Variants in RICTOR observed in about 807,000 individuals in gnomAD.
RICTOR encodes the protein rapamycin-insensitive companion of mTOR.
Under a neutral mutation model 214.9 loss-of-function variants are expected in RICTOR, and 49 were observed. The observed-to-expected ratio is 0.23, with a 90% CI of 0.18 to 0.29. RICTOR has a LOEUF of 0.29. Among genes scored for constraint, RICTOR ranks in the 10% least tolerant of loss-of-function variants. RICTOR has a pLI of 1.00. For synonymous variants in RICTOR, 717 were observed against 711.3 expected (o/e 1.01, Z -0.13); for missense variants, 1,625 against 2,047.0 (o/e 0.79, Z 3.98).
chr5:39,074,366 G>T lies in RICTOR; in HGVS notation c.12C>A (p.Ile4=). ...GGTTCTTCAGAGAGCGGCCGCGGCC[G>T]ATCGCCGCCATATTGACGGGTTTCA... MAA[I]GRGRSLKNLR... is the part of the protein sequence containing the mutation. The change falls in exon 1 of 38, where the codon ATC becomes ATA. Residue 4 remains isoleucine (I), a synonymous_variant. Transcript: ENST00000357387. The T allele has an allele frequency of 6.5e-7, 1 of 1,538,516 alleles. No homozygotes were observed. The highest frequency in any genetic ancestry group is 8.8e-7 in the Non-Finnish European group (1 of 1,141,828).
intron 2 of RICTOR, among the ~76,000 whole-genome samples, chr5:39,072,162 C>T (rs1759371281): frequency 6.6e-6 from 1 of 152,144 alleles, no homozygotes; most frequent in African/African-American, 2.4e-5. Flanking sequence ...GCTGTGTATA[C>T]TTTATTCCAA....
At chr5:38,993,131 T>C (rs533216335) in intron 6 of RICTOR, among the ~76,000 whole-genome samples, 1 of 152,242 alleles carries the variant, frequency 6.6e-6, no homozygotes, top group East Asian at 1.9e-4. Flanking sequence ...AAGGCCAAAG[T>C]TGGCAGGTTG....
chr5:39,056,975 A>C (rs1251003188), intron 2 of RICTOR, among the ~76,000 whole-genome samples: 1 of 152,192 alleles, frequency 6.6e-6, no homozygotes, highest in East Asian at 1.9e-4. Flanking sequence ...TATAGTGGCA[A>C]TTTATTTAAA....
At chr5:39,061,690 T>C (rs1398122056) in intron 2 of RICTOR, among the ~76,000 whole-genome samples, 2 of 152,016 alleles carry the variant, frequency 1.3e-5, no homozygotes, top group African/African-American at 2.4e-5. Context: ...AAAAATCAAG[T>C]AGAGTTTTTT....
At chr5:39,029,277 T>A (rs1294972294) in intron 2 of RICTOR, among the ~76,000 whole-genome samples, 1 of 152,170 alleles carries the variant, frequency 6.6e-6, no homozygotes, top group Non-Finnish European at 1.5e-5. Flanking sequence ...ACACTTTACA[T>A]ATTTAAACAC....
At chr5:39,002,311 G>A (rs1157232840) in intron 5 of RICTOR, among the ~76,000 whole-genome samples, 2 of 151,750 alleles carry the variant, frequency 1.3e-5, no homozygotes, top group Non-Finnish European at 2.9e-5. Flanking sequence ...TCAGAATAAT[G>A]TTTACAACTG....
At chr5:38,997,760 C>T (rs1046584483) in intron 5 of RICTOR, among the ~76,000 whole-genome samples, 2 of 152,158 alleles carry the variant, frequency 1.3e-5, no homozygotes, top group Non-Finnish European at 2.9e-5. Flanking sequence ...CATTTGTTCC[C>T]TGGGTGCATC....
intron 26 of RICTOR, 76 bp from the exon 27 acceptor site, chr5:38,954,937 A>T: frequency 1.5e-6 from 1 of 683,554 alleles, no homozygotes; most frequent in African/African-American, 1.9e-5. Flanking sequence ...ATTTTAATAA[A>T]TGTTTGATAA....
intron 30 of RICTOR, 78 bp from the exon 31 acceptor site, chr5:38,950,798 A>T: frequency 7.6e-7 from 1 of 1,315,014 alleles, no homozygotes; most frequent in Non-Finnish European, 1.0e-6. Flanking sequence ...ATCACATTTC[A>T]GGAAATTTTT....
At chr5:39,002,169 CAAA>C (rs70982532) in intron 5 of RICTOR, among the ~76,000 whole-genome samples, 15,366 of 122,432 alleles carry the variant, frequency 0.13, 957 homozygotes, top group South Asian at 0.19. Context: ...TGTTACACAG[CAAA>C]AAAAAAAAAA....
chr5:38,993,348 C>T (rs942444072), intron 6 of RICTOR, among the ~76,000 whole-genome samples: 2 of 151,614 alleles, frequency 1.3e-5, no homozygotes, highest in Admixed American at 6.6e-5. Flanking sequence ...AGGTGGGCAG[C>T]GAGTAGAATT....
rs545801541 is a variant in RICTOR, at chr5:38,977,679, T to C, written c.821+904A>G. On this transcript the variant is annotated intron_variant, in intron 9 of 37. Transcript: ENST00000357387. Reference sequence around the variant, plus strand: ...GGTGTGATCTCAGCTCAATGCAAACTCCGCCTCCCAGGTTCAAGCAATTCT... The same window carrying C: ...GGTGTGATCTCAGCTCAATGCAAACCCCGCCTCCCAGGTTCAAGCAATTCT... 2.2e-5 allele frequency among the ~76,000 whole-genome samples: 3 copies of C among 137,042 alleles called. No homozygotes were observed. The Admixed American group carries it at 2.5e-4, about 11-fold the overall frequency. The allele number at this position is 137,042 out of a possible 152,430, so 89.9% of individuals were successfully genotyped here.
At chr5:38,961,015 A>G (rs1378770400) in intron 19 of RICTOR, among the ~76,000 whole-genome samples, 1 of 152,072 alleles carries the variant, frequency 6.6e-6, no homozygotes, top group Non-Finnish European at 1.5e-5. Flanking sequence ...GGTAATTTCT[A>G]TATTATCTGT....
rs1174125110 is a variant in RICTOR, at chr5:39,035,573, A to G, written c.98-14437T>C. On this transcript the variant is annotated intron_variant, in intron 2 of 37. Transcript: ENST00000357387. ...AATGGCAAAGAAGTTAAAAACCTTG[A>G]AAAAAAATTAGACGAATGGCTAACT... Among the ~76,000 whole-genome samples the G allele has an allele frequency of 3.9e-5, 6 of 152,088 alleles. No individual in the cohort carries two copies. In the East Asian group the frequency reaches 1.2e-3, roughly 29 times the overall value.
chr5:38,979,824 A>C (rs1268294533), intron 8 of RICTOR, among the ~76,000 whole-genome samples: 1 of 152,194 alleles, frequency 6.6e-6, no homozygotes, highest in Admixed American at 6.5e-5. Context: ...TTAGAAACAA[A>C]GTTTTGGCCA....
chr5:39,029,626 GA>G (rs769758702), intron 2 of RICTOR, among the ~76,000 whole-genome samples: 1 of 151,540 alleles, frequency 6.6e-6, no homozygotes. Flanking sequence ...TAATGGAAAG[GA>G]AAAAAAACCT....
intron 2 of RICTOR, among the ~76,000 whole-genome samples, chr5:39,043,289 G>A (rs1163489732): frequency 1.3e-5 from 2 of 152,034 alleles, no homozygotes; most frequent in African/African-American, 4.8e-5. Flanking sequence ...TATGCACAAT[G>A]GAATATTACT....
intron 10 of RICTOR, among the ~76,000 whole-genome samples, chr5:38,972,594 GACTC>G (rs1750875823): frequency 6.6e-6 from 1 of 152,016 alleles, no homozygotes; most frequent in Non-Finnish European, 1.5e-5. Context: ...TAAAATTAAA[GACTC>G]ACAACACCAA....
Position 38,955,636 on chromosome 5 carries a change from C to G in RICTOR, c.2568G>C (p.Lys856Asn). 2 of 1,611,144 alleles carry G rather than the reference C, an allele frequency of 1.2e-6. No individual in the cohort carries two copies. Among genetic ancestry groups the G allele is most frequent in the Non-Finnish European group, 1.7e-6 (2 of 1,177,398 alleles). Residue 856 changes from lysine to asparagine, a missense_variant, in exon 26 of 38, where the codon AAG (lysine) becomes AAC (asparagine). Lys to Asn is a moderately conservative substitution (Grantham distance 94, BLOSUM62 0). Around this residue, in one of 5 missense-constraint regions of RICTOR, gnomAD observed 1,214 missense variants for 1,470.5 expected, o/e 0.83. Coordinates refer to ENST00000357387, the MANE Select transcript of RICTOR (RefSeq NM_152756.5). Reference sequence around the variant, plus strand: ...GAACATAGTTATCACCATCAACAGGCTTCCGGTAAGTAGTAAGTGCTTCAT... The same window carrying G: ...GAACATAGTTATCACCATCAACAGGGTTCCGGTAAGTAGTAAGTGCTTCAT... The part of the protein sequence containing the change: ...QLNEALTTYR[K>N]PVDGDNYVRR...
Sources: gnomAD v4.1 joint callset for allele counts (sites outside exome capture counted in the v4.1 genomes callset) on GRCh38, gnomAD v4.1.1 for gene constraint, gnomAD v4.1.1 regional missense constraint, MANE v1.5 for transcripts, NCBI Gene and HGNC (gene_info 2026-07-23, HGNC 2026-07-21) for gene names.